JARID2: variants seen among roughly 807,000 people sequenced by gnomAD.
JARID2 encodes the protein protein Jumonji.
JARID2 carries 21 observed loss-of-function variants against 125.6 expected under a neutral mutation model. That is an observed-to-expected ratio of 0.17 (90% CI 0.12 to 0.24). JARID2 has a LOEUF of 0.24. JARID2 is among the 10% of genes least tolerant of loss of function. The pLI is 1.00. For synonymous variants in JARID2, 736 were observed against 661.6 expected (o/e 1.11, Z -1.73); for missense variants, 1,303 against 1,639.6 (o/e 0.79, Z 3.55).
chr6:15,323,886 T>C (rs192291609), intron 1 of JARID2, among the ~76,000 whole-genome samples: 2 of 151,074 alleles, frequency 1.3e-5, no homozygotes, highest in Admixed American at 1.3e-4. Context: ...CAAGATTCTG[T>C]CAAAAAATAA....
intron 4 of JARID2, among the ~76,000 whole-genome samples, chr6:15,455,870 G>A (rs1449164224): frequency 3.9e-5 from 6 of 152,194 alleles, no homozygotes; most frequent in Non-Finnish European, 7.3e-5. Context: ...AACTAGTTTG[G>A]CTACTTTTGG....
At chr6:15,497,389 C>T (rs1157705272) in intron 7 of JARID2, among the ~76,000 whole-genome samples, 4 of 152,086 alleles carry the variant, frequency 2.6e-5, no homozygotes, top group Admixed American at 1.3e-4. Context: ...CTGCCGGGCG[C>T]GGTGGCTCAC....
intron 5 of JARID2, among the ~76,000 whole-genome samples, chr6:15,486,949 A>T (rs1769899444): frequency 6.6e-6 from 1 of 152,034 alleles, no homozygotes; most frequent in South Asian, 2.1e-4. Context: ...TATAAAGAAA[A>T]GAGGTTAAGT....
chr6:15,352,084 C>T (rs529375152), intron 1 of JARID2, among the ~76,000 whole-genome samples: 10 of 152,176 alleles, frequency 6.6e-5, no homozygotes, highest in African/African-American at 9.6e-5. Flanking sequence ...CTTTTCTGTC[C>T]GACGTAAGGG....
rs111268924 is a variant in JARID2 at position 15,295,208 on chromosome 6, G to A, written c.45+48624G>A. On this transcript the variant is annotated intron_variant, in intron 1 of 17. Coordinates refer to ENST00000341776, the MANE Select transcript of JARID2 (RefSeq NM_004973.4). The stretch of plus-strand genomic sequence containing the variant: ...GCCATCTTGGCTCACTGCAAGCTCC[G>A]CTTCCTGGGTTCACGCCATTCTCCT... Among the ~76,000 whole-genome samples the A allele has an allele frequency of 7.0e-3, 1,015 of 145,582 alleles. 7 individuals carry two copies. The highest frequency in any genetic ancestry group is 0.043 in the South Asian group (199 of 4,644).
At chr6:15,350,015 G>A (rs531132054) in intron 1 of JARID2, among the ~76,000 whole-genome samples, 14 of 152,234 alleles carry the variant, frequency 9.2e-5, no homozygotes, top group African/African-American at 2.6e-4. Flanking sequence ...TAACAGAGAT[G>A]GGTTGAGTGG....
intron 5 of JARID2, among the ~76,000 whole-genome samples, chr6:15,477,150 GA>G (rs1311569899): frequency 6.6e-6 from 1 of 152,178 alleles, no homozygotes; most frequent in Non-Finnish European, 1.5e-5. Context: ...CAGCTGGAAT[GA>G]CTTAATTGCT....
In JARID2 at chr6:15,411,803, C is replaced by T. The variant is rs545444177; in HGVS notation, c.323+1438C>T. ...GGGAGCAGAATTCTCTGAGTCTGGG[C>T]ACCCACTCCTTTAGCTATGTGGCTG... On this transcript the variant is annotated intron_variant, in intron 3 of 17. Transcript: ENST00000341776. 3.9e-5 allele frequency among the ~76,000 whole-genome samples: 6 copies of T among 152,330 alleles called. No individual in the cohort carries two copies. The East Asian group carries it at 9.6e-4, about 24-fold the overall frequency.
intron 1 of JARID2, 53 bp from the exon 2 acceptor site, chr6:15,374,064 A>T (rs1764263449): frequency 3.1e-6 from 5 of 1,594,418 alleles, no homozygotes; most frequent in Non-Finnish European, 4.3e-6. Flanking sequence ...TTGACTCTGA[A>T]TATTGCCTTG....
chr6:15,377,720 G>C (rs952454166), intron 2 of JARID2, among the ~76,000 whole-genome samples: 1 of 151,906 alleles, frequency 6.6e-6, no homozygotes, highest in African/African-American at 2.4e-5. Flanking sequence ...CTTTAGTAGG[G>C]ATGGGGTTTC....
At chr6:15,300,570 T>C (rs1462843845) in intron 1 of JARID2, among the ~76,000 whole-genome samples, 3 of 152,126 alleles carry the variant, frequency 2.0e-5, no homozygotes, top group Non-Finnish European at 4.4e-5. Context: ...AATGACAACA[T>C]TTAAAATTAT....
intron 2 of JARID2, among the ~76,000 whole-genome samples, chr6:15,391,883 G>A (rs1346850126): frequency 6.6e-6 from 1 of 152,168 alleles, no homozygotes; most frequent in African/African-American, 2.4e-5. Flanking sequence ...TCCCACTTTG[G>A]TGGCTCTATC....
intron 1 of JARID2, among the ~76,000 whole-genome samples, chr6:15,320,391 G>A (rs1161745826): frequency 6.6e-6 from 1 of 152,236 alleles, no homozygotes; most frequent in African/African-American, 2.4e-5. Flanking sequence ...GAATGTAAGT[G>A]TGAGAATAGA....
intron 1 of JARID2, among the ~76,000 whole-genome samples, chr6:15,281,337 G>A (rs9383046): frequency 0.21 from 31,225 of 152,232 alleles, 3,738 homozygotes; most frequent in East Asian, 0.3. Flanking sequence ...ATGCTATTAA[G>A]ATAATAACTT....
intron 1 of JARID2, among the ~76,000 whole-genome samples, chr6:15,275,345 T>G (rs1295350864): frequency 6.6e-6 from 1 of 152,156 alleles, no homozygotes; most frequent in Non-Finnish European, 1.5e-5. Flanking sequence ...ACAGCTGTAC[T>G]TCCAGAATTG....
Position 15,512,374 on chromosome 6 carries a change from GC to G in JARID2, c.3120del (p.Phe1041LeufsTer7). On this transcript the variant is annotated frameshift_variant, in exon 14 of 18. Transcript: ENST00000341776. LOFTEE classifies it high-confidence loss of function. Reference protein sequence around the residue: ...HFATTQWTSMGFETAKEMKRR... With the variant: ...HFATTQWTSMXFETAKEMKRR... ...GCTACCACCCAGTGGACAAGTATGG[GC>G]TTTGAGACCGCCAAGGTGAGCAGAG... is the stretch of plus-strand genomic sequence containing the variant. 1 of 1,614,184 alleles carries G rather than the reference GC, an allele frequency of 6.2e-7. No homozygotes were observed. The highest frequency in any genetic ancestry group is 8.5e-7 in the Non-Finnish European group (1 of 1,180,014).
intron 1 of JARID2, among the ~76,000 whole-genome samples, chr6:15,357,660 G>A (rs1393455269): frequency 1.3e-5 from 2 of 152,068 alleles, no homozygotes; most frequent in Admixed American, 1.3e-4. Flanking sequence ...AAATTTAGGG[G>A]AGATAATCAA....
In JARID2 at chr6:15,487,219, G is replaced by GT. The variant is rs1769914218; in HGVS notation, c.671-87dup. On this transcript the variant is annotated intron_variant, in intron 5 of 17. Transcript: ENST00000341776. The stretch of plus-strand genomic sequence containing the variant: ...GATTACAGTTGGACATGAGATTTGG[G>GT]TGGGGACACAGAGCCAAACCATATC... 5.6e-6 allele frequency: 6 copies of GT among 1,079,704 alleles called. No individual in the cohort carries two copies. In the South Asian group the frequency reaches 8.8e-5, roughly 16 times the overall value. 66.9% of individuals were successfully genotyped at this position (1,079,704 alleles called of 1,614,324 possible).
intron 1 of JARID2, among the ~76,000 whole-genome samples, chr6:15,311,779 T>G (rs1197340108): frequency 1.3e-5 from 2 of 152,054 alleles, no homozygotes; most frequent in Non-Finnish European, 2.9e-5. Context: ...CTTAAAAAAT[T>G]TTTTTCCTCT....
Sources: allele counts gnomAD v4.1 joint callset (sites outside exome capture counted in the v4.1 genomes callset), GRCh38; gene constraint gnomAD v4.1.1; transcripts MANE v1.5; gene names NCBI Gene and HGNC (gene_info 2026-07-23, HGNC 2026-07-21).